SLC22A16: variants seen among roughly 807,000 people sequenced by gnomAD.
SLC22A16 encodes the protein WUGSC:RG331P03.1.
Under a neutral mutation model 52.9 loss-of-function variants are expected in SLC22A16, and 53 were observed. The ratio of observed to expected loss-of-function variants is 1.00; its 90% CI spans 0.80 to 1.26. The LOEUF (loss-of-function observed/expected upper bound fraction) is 1.26. Ranked by LOEUF, SLC22A16 falls within the 50% of genes most tolerant of loss-of-function variation. SLC22A16 has a pLI of 0.00. For synonymous variants in SLC22A16, 291 were observed against 268.8 expected (o/e 1.08, Z -0.81); for missense variants, 726 against 704.0 (o/e 1.03, Z -0.35).
rs748795144 is a variant in SLC22A16, at chr6:110,424,963, G to A, written c.1644C>T (p.Ser548=). 6.2e-7 allele frequency: 1 copy of A among 1,614,000 alleles called. No homozygotes were observed. Among genetic ancestry groups the A allele is most frequent in the East Asian group, 2.2e-5 (1 of 44,888 alleles). Residue 548 remains serine, a synonymous_variant, in exon 8 of 8, where the codon AGC becomes AGT. Transcript: ENST00000368919. ...EAAKLESENE[S]KSSKLLLTTN... ...TTGTGAGAAGTAATTTGCTTGACTT[G>A]CTTTCATTCTCTGACTCCAGTTTTG...
intron 1 of SLC22A16, among the ~76,000 whole-genome samples, chr6:110,471,654 T>A (rs1776264303): frequency 6.6e-6 from 1 of 152,144 alleles, no homozygotes; most frequent in Admixed American, 6.5e-5. Flanking sequence ...TATGTAACAT[T>A]TAGTATCGTT....
intron 1 of SLC22A16, 108 bp from the exon 2 acceptor site, chr6:110,457,125 G>T: frequency 2.0e-6 from 2 of 983,032 alleles, no homozygotes; most frequent in Non-Finnish European, 2.9e-6. Flanking sequence ...TACACGAATG[G>T]ATAAATATAG....
At chr6:110,426,950 TAAA>T (rs904244871) in intron 7 of SLC22A16, among the ~76,000 whole-genome samples, 6 of 140,742 alleles carry the variant, frequency 4.3e-5, no homozygotes, top group African/African-American at 1.6e-4. Flanking sequence ...AACTCCGTCT[TAAA>T]AAAAAAACTT....
At chr6:110,438,419 G>C (rs927013763) in intron 5 of SLC22A16, among the ~76,000 whole-genome samples, 6 of 152,068 alleles carry the variant, frequency 3.9e-5, no homozygotes, top group African/African-American at 1.4e-4. Flanking sequence ...TCGAACTCCT[G>C]AACTCAAGCC....
chr6:110,442,166 A>G, intron 4 of SLC22A16, 78 bp downstream of exon 4: 1 of 1,397,270 alleles, frequency 7.2e-7, no homozygotes, highest in Non-Finnish European at 9.7e-7. Context: ...TCTCAAATTC[A>G]CACAGAAACA....
chr6:110,433,058 T>C (rs566801662), intron 6 of SLC22A16, among the ~76,000 whole-genome samples: 31 of 152,090 alleles, frequency 2.0e-4, no homozygotes, highest in Non-Finnish European at 4.3e-4. Context: ...ACCTGTAAAA[T>C]GGACAGAAGA....
rs1774777808 is a variant in SLC22A16 at position 110,437,410 on chromosome 6, T to C, written c.1311+1310A>G. On this transcript the variant is annotated intron_variant, in intron 5 of 7. Transcript: ENST00000368919. ...TCACTACAAACTACTTTTTTAAAGG[T>C]GTGGATGAAGTTCTCTCAAATTGGC... is the stretch of plus-strand genomic sequence containing the variant. 2.0e-5 allele frequency among the ~76,000 whole-genome samples: 3 copies of C among 152,306 alleles called. No individual in the cohort carries two copies. The East Asian group carries it at 5.8e-4, about 29-fold the overall frequency.
chr6:110,452,089 G>A (rs1276550528), intron 2 of SLC22A16, among the ~76,000 whole-genome samples: 6 of 151,994 alleles, frequency 3.9e-5, no homozygotes, highest in Non-Finnish European at 7.4e-5. Context: ...TCTATTCCAG[G>A]AACCTCTAAG....
intron 1 of SLC22A16, among the ~76,000 whole-genome samples, chr6:110,459,664 T>A (rs541887730): frequency 1.3e-5 from 2 of 152,334 alleles, no homozygotes; most frequent in South Asian, 4.1e-4. Flanking sequence ...CATATTAATA[T>A]CAGTTTGTTA....
intron 2 of SLC22A16, among the ~76,000 whole-genome samples, chr6:110,452,260 A>G (rs1775414189): frequency 6.6e-6 from 1 of 152,214 alleles, no homozygotes; most frequent in East Asian, 1.9e-4. Context: ...TTTAAAATTT[A>G]TATATTTGTT....
At chr6:110,453,918 G>C (rs889732356) in intron 2 of SLC22A16, among the ~76,000 whole-genome samples, 4 of 152,162 alleles carry the variant, frequency 2.6e-5, no homozygotes, top group Non-Finnish European at 5.9e-5. Context: ...TAAAGAGAGA[G>C]AAACCTGAGG....
At position 110,458,146 on chromosome 6, in the gene SLC22A16, C is replaced by CCTCTCTCT. The variant is rs143252306; in HGVS notation, c.54-1137_54-1130dup. 5.3e-5 allele frequency among the ~76,000 whole-genome samples: 8 copies of CCTCTCTCT among 149,716 alleles called. 1 individual carries two copies. The highest frequency in any genetic ancestry group is 1.7e-4 in the African/African-American group (7 of 41,006). The stretch of plus-strand genomic sequence containing the variant: ...GCAGAAATAATGGCATAAGCTGTCT[C>CCTCTCTCT]CTCTCTCTCTCTCTCTCTCCCCGCC... On this transcript the variant is annotated intron_variant, in intron 1 of 7. Coordinates refer to ENST00000368919, the MANE Select transcript of SLC22A16 (RefSeq NM_033125.4).
intron 1 of SLC22A16, among the ~76,000 whole-genome samples, chr6:110,467,547 G>A (rs532541412): frequency 6.6e-6 from 1 of 152,180 alleles, no homozygotes; most frequent in Non-Finnish European, 1.5e-5. Context: ...GTAGTGCAGT[G>A]GCTATAGAAT....
At chr6:110,471,026 C>T (rs1028705790) in intron 1 of SLC22A16, among the ~76,000 whole-genome samples, 9 of 152,138 alleles carry the variant, frequency 5.9e-5, no homozygotes, top group South Asian at 4.1e-4. Context: ...CCACATGCAC[C>T]GCCTGTGACA....
chr6:110,474,904 G>A (rs939752155), intron 1 of SLC22A16: 15 of 518,060 alleles, frequency 2.9e-5, no homozygotes, highest in African/African-American at 5.8e-5. Flanking sequence ...AAAAAACACA[G>A]GGGAACTAAG....
Position 110,442,666 on chromosome 6 carries a change from G to T in SLC22A16, c.761C>A (p.Thr254Asn). The T allele has an allele frequency of 6.2e-7, 1 of 1,614,044 alleles. No individual in the cohort carries two copies. The change falls in exon 4 of 8, where the codon ACC becomes AAC. Residue 254 changes from threonine (T) to asparagine (N), a missense_variant. Thr to Asn is a moderately conservative substitution (Grantham distance 65). Coordinates refer to ENST00000368919, the MANE Select transcript of SLC22A16 (RefSeq NM_033125.4). ...GTATCCTGTCAAAGCCACCAGCAGG[G>T]TTCCAACTGCAAAAAAGGAATGCAA... ...VHLHSFFAVG[T>N]LLVALTGYLV...
intron 2 of SLC22A16, among the ~76,000 whole-genome samples, chr6:110,449,883 C>T (rs573353909): frequency 1.1e-4 from 17 of 152,280 alleles, no homozygotes; most frequent in African/African-American, 4.1e-4. Context: ...AAAATAATCC[C>T]CATTGTGGTT....
At chr6:110,437,510 T>A (rs2114917746) in intron 5 of SLC22A16, among the ~76,000 whole-genome samples, 1 of 152,342 alleles carries the variant, frequency 6.6e-6, no homozygotes, top group East Asian at 1.9e-4. Flanking sequence ...TTTCATTACA[T>A]AAAATATTTG....
At chr6:110,460,571 T>C (rs1398445974) in intron 1 of SLC22A16, among the ~76,000 whole-genome samples, 1 of 152,134 alleles carries the variant, frequency 6.6e-6, no homozygotes, top group African/African-American at 2.4e-5. Context: ...CCCTGGGCAA[T>C]GCTGTCAGTG....
Sources: allele counts gnomAD v4.1 joint callset (sites outside exome capture counted in the v4.1 genomes callset), GRCh38; gene constraint gnomAD v4.1.1; transcripts MANE v1.5; gene names NCBI Gene and HGNC (gene_info 2026-07-23, HGNC 2026-07-21).